The following CHST3 variants were observed in gnomAD, a reference collection of about 807,000 sequenced individuals.
CHST3 encodes the protein carbohydrate sulfotransferase 3, also known as C6ST-1.
Under a neutral mutation model 35.4 loss-of-function variants are expected in CHST3, and 20 were observed. The observed-to-expected ratio is 0.57, with a 90% CI of 0.40 to 0.82. The LOEUF is 0.82. CHST3 is among the 40% of genes least tolerant of loss of function. The pLI is 0.00. For missense variants in CHST3, 693 were observed against 670.1 expected (o/e 1.03, Z -0.38); for synonymous variants, 334 against 295.9 (o/e 1.13, Z -1.32).
Position 72,007,460 on chromosome 10 carries a change from C to T in CHST3, c.429C>T (p.Thr143=), listed in dbSNP as rs1171568380. 7 of 1,602,824 alleles carry T rather than the reference C, an allele frequency of 4.4e-6. No individual in the cohort carries two copies. The highest frequency in any genetic ancestry group is 5.9e-6 in the Non-Finnish European group (7 of 1,179,694). ...TGCTGCTCATGGCCACCACGCGCAC[C>T]GGCTCCTCGTTCGTGGGCGAGTTCT... ...RHVLLMATTR[T]GSSFVGEFFN... is the part of the protein sequence containing the mutation. The change falls in exon 3 of 3, where the codon ACC becomes ACT. Residue 143 remains threonine (T), a synonymous_variant. Transcript: ENST00000373115.
chr10:71,994,853 GCA>G (rs1486363382), intron 1 of CHST3, among the ~76,000 whole-genome samples: 5 of 152,164 alleles, frequency 3.3e-5, no homozygotes, highest in Non-Finnish European at 7.3e-5. Context: ...GCTTTACCTT[GCA>G]CTTTTATGTT....
At chr10:71,973,209 C>T (rs1479993139) in intron 1 of CHST3, among the ~76,000 whole-genome samples, 2 of 152,096 alleles carry the variant, frequency 1.3e-5, no homozygotes, top group African/African-American at 4.8e-5. Flanking sequence ...AGTGGGACCC[C>T]GGCACATGGC....
intron 1 of CHST3, among the ~76,000 whole-genome samples, chr10:71,983,651 A>G (rs963417165): frequency 2.6e-5 from 4 of 152,160 alleles, no homozygotes; most frequent in African/African-American, 9.7e-5. Flanking sequence ...GGGTTTCACC[A>G]TGTTGTTCAG....
At chr10:71,965,307 G>T (rs1310639401) in intron 1 of CHST3, among the ~76,000 whole-genome samples, 3 of 152,234 alleles carry the variant, frequency 2.0e-5, no homozygotes, top group African/African-American at 7.2e-5. Flanking sequence ...AGGAGGGAGT[G>T]ATTCATAAAC....
intron 1 of CHST3, among the ~76,000 whole-genome samples, chr10:71,995,152 C>T (rs1214873351): frequency 6.6e-6 from 1 of 152,040 alleles, no homozygotes; most frequent in South Asian, 2.1e-4. Flanking sequence ...CAGCCGGGTG[C>T]GGTGACTCAC....
intron 1 of CHST3, among the ~76,000 whole-genome samples, chr10:71,999,015 C>T (rs571960637): frequency 4.1e-4 from 63 of 152,254 alleles, no homozygotes; most frequent in Admixed American, 1.0e-3. Flanking sequence ...CTGGGCTGGG[C>T]GTTTACTCTC....
intron 1 of CHST3, among the ~76,000 whole-genome samples, chr10:71,982,993 G>A (rs977325790): frequency 6.6e-6 from 1 of 152,206 alleles, no homozygotes; most frequent in Non-Finnish European, 1.5e-5. Context: ...CAGTCAGACA[G>A]ACATGGGTTC....
chr10:72,008,292 T>C lies in CHST3; in HGVS notation c.1261T>C (p.Ser421Pro). 6.3e-7 allele frequency: 1 copy of C among 1,586,240 alleles called. No individual in the cohort carries two copies. The highest frequency in any genetic ancestry group is 8.6e-7 in the Non-Finnish European group (1 of 1,166,844). ...CGGCATCTACTCCACGCAGAAGAAC[T>C]CCTCGGAGCAGTTCGAGAAGTGGCG... Reference protein sequence around the residue: ...GSGIYSTQKNSSEQFEKWRFS... With the variant: ...GSGIYSTQKNPSEQFEKWRFS... The change falls in exon 3 of 3, where the codon TCC becomes CCC. Residue 421 changes from serine (S) to proline (P), a missense_variant. Transcript: ENST00000373115.
rs147535559 is a variant in CHST3 at position 72,007,417 on chromosome 10, C to A, written c.386C>A (p.Ala129Glu). The change falls in exon 3 of 3, where the codon GCG (alanine) becomes GAG (glutamate). Residue 129 changes from alanine (A) to glutamate (E), a missense_variant. Transcript: ENST00000373115. ...KEEEPPRPAV[A>E]GPRRHVLLMA... ...GAGGAGCCGCCCAGACCGGCCGTGG[C>A]GGGGCCCCGGCGCCACGTGCTGCTC... is the stretch of plus-strand genomic sequence containing the variant. 4 of 1,603,212 alleles carry A rather than the reference C, an allele frequency of 2.5e-6. No homozygotes were observed. Among genetic ancestry groups the A allele is most frequent in the Non-Finnish European group, 3.4e-6 (4 of 1,178,120 alleles).
At chr10:71,987,099 G>C (rs1839853831) in intron 1 of CHST3, among the ~76,000 whole-genome samples, 1 of 152,178 alleles carries the variant, frequency 6.6e-6, no homozygotes, top group Non-Finnish European at 1.5e-5. Flanking sequence ...GGCAGACCGA[G>C]TGTAGATGGG....
intron 1 of CHST3, among the ~76,000 whole-genome samples, chr10:71,979,976 A>T (rs1466010192): frequency 1.3e-4 from 20 of 152,216 alleles, no homozygotes; most frequent in African/African-American, 4.6e-4. Flanking sequence ...CCAGAGTTGG[A>T]AAGATTGTCT....
Position 72,008,517 on chromosome 10 carries a change from G to A in CHST3, c.*46G>A, listed in dbSNP as rs189400876. 47 of 1,462,788 alleles carry A rather than the reference G, an allele frequency of 3.2e-5. No homozygotes were observed. The African/African-American group carries it at 5.8e-4, about 18-fold the overall frequency. 90.6% of individuals were successfully genotyped at this position (1,462,788 alleles called of 1,614,324 possible). On this transcript the variant is annotated 3_prime_UTR_variant, in exon 3 of 3. Transcript: ENST00000373115. Reference sequence around the variant, plus strand: ...CCCCTCCTCGTGAAAGGCCTGCCCCGTCTTTCTGCCGCAGCCCTCGCAGAG... The same window carrying A: ...CCCCTCCTCGTGAAAGGCCTGCCCCATCTTTCTGCCGCAGCCCTCGCAGAG...
intron 1 of CHST3, among the ~76,000 whole-genome samples, chr10:71,979,815 C>T (rs1156369145): frequency 6.6e-6 from 1 of 152,160 alleles, no homozygotes; most frequent in Non-Finnish European, 1.5e-5. Context: ...CCACTCCCAC[C>T]ACCCAGATGG....
chr10:71,998,128 G>T (rs1057176162), intron 1 of CHST3, among the ~76,000 whole-genome samples: 1 of 152,162 alleles, frequency 6.6e-6, no homozygotes, highest in Non-Finnish European at 1.5e-5. Context: ...GACAGAGTGC[G>T]ACCCTGTCCC....
In CHST3 at chr10:72,011,712, C is replaced by T. The variant is rs1840112118; in HGVS notation, c.*3241C>T. 6.6e-6 allele frequency: 1 copy of T among 152,270 alleles called. No individual in the cohort carries two copies. The highest frequency in any genetic ancestry group is 1.5e-5 in the Non-Finnish European group (1 of 68,068). The allele number at this position is 152,270 out of a possible 1,614,324, so 9.4% of individuals were successfully genotyped here. A position where few individuals can be genotyped will look rare whatever the true frequency, so the allele number is the denominator to read the frequency against. On this transcript the variant is annotated 3_prime_UTR_variant, in exon 3 of 3. Coordinates refer to ENST00000373115, the MANE Select transcript of CHST3 (RefSeq NM_004273.5). The stretch of plus-strand genomic sequence containing the variant: ...TCATGTTCTTTCTTGTTGATGAGTT[C>T]TGCGGCCCAGCATATAGAAATGGCT...
chr10:71,965,659 G>A (rs1839625560), intron 1 of CHST3, among the ~76,000 whole-genome samples: 1 of 152,220 alleles, frequency 6.6e-6, no homozygotes, highest in South Asian at 2.1e-4. Context: ...ATTGTCCTGG[G>A]CCTAGCATAG....
intron 1 of CHST3, among the ~76,000 whole-genome samples, chr10:71,971,171 C>T (rs868086333): frequency 6.6e-6 from 1 of 152,124 alleles, no homozygotes. Context: ...GGGCCCTTCT[C>T]GTTCTCTGTG....
Position 72,012,418 on chromosome 10 carries a change from G to T in CHST3, c.*3947G>T, listed in dbSNP as rs776674536. The T allele has an allele frequency of 6.5e-6, 1 of 152,766 alleles. No individual in the cohort carries two copies. The highest frequency in any genetic ancestry group is 2.4e-5 in the African/African-American group (1 of 41,464). 9.5% of individuals were successfully genotyped at this position (152,766 alleles called of 1,614,324 possible). On this transcript the variant is annotated 3_prime_UTR_variant, in exon 3 of 3. Transcript: ENST00000373115. ...AATCCCAGCAGTTGGGGAGGCCAAG[G>T]TGGGAGGATTGCTTGAGCCCAAGAG...
At position 72,008,684 on chromosome 10, in the gene CHST3, G is replaced by C; in HGVS notation, c.*213G>C. Reference sequence around the variant, plus strand: ...GTCCCCTTGAGGGCCATCACACCCAGACCCAACGGGTTGCAGCCTCCTGAG... The same window carrying C: ...GTCCCCTTGAGGGCCATCACACCCACACCCAACGGGTTGCAGCCTCCTGAG... On this transcript the variant is annotated 3_prime_UTR_variant, in exon 3 of 3. Coordinates refer to ENST00000373115, the MANE Select transcript of CHST3 (RefSeq NM_004273.5). 9.7e-7 allele frequency: 1 copy of C among 1,028,356 alleles called. No homozygotes were observed. The highest frequency in any genetic ancestry group is 1.3e-6 in the Non-Finnish European group (1 of 749,394). 63.7% of individuals were successfully genotyped at this position (1,028,356 alleles called of 1,614,324 possible).
Sources: allele counts gnomAD v4.1 joint callset (sites outside exome capture counted in the v4.1 genomes callset), GRCh38; gene constraint gnomAD v4.1.1; transcripts MANE v1.5; gene names NCBI Gene and HGNC (gene_info 2026-07-23, HGNC 2026-07-21).